The following LRWD1 variants were observed in gnomAD, a reference collection of about 807,000 sequenced individuals.
LRWD1 encodes the protein leucine-rich repeat and WD repeat-containing protein 1.
LRWD1 carries 76 observed loss-of-function variants against 75.6 expected under a neutral mutation model. The observed-to-expected ratio is 1.01, with a 90% confidence interval of 0.84 to 1.22. LRWD1 has a LOEUF of 1.22. Ranked by LOEUF, LRWD1 falls within the 50% of genes most tolerant of loss-of-function variation. LRWD1 has a pLI of 0.00. For synonymous variants in LRWD1, 487 were observed against 377.0 expected, an observed-to-expected ratio of 1.29 and a Z score of -3.38; for missense variants, 917 against 862.0, an observed-to-expected ratio of 1.06 and a Z score of -0.80.
chr7:102,470,189 C>A, intron 11 of LRWD1: 1 of 361,132 alleles, frequency 2.8e-6, no homozygotes, highest in South Asian at 7.9e-5. Context: ...GTGTGATGGT[C>A]CTCTGTGCTG....
In LRWD1 at chr7:102,468,839, T is replaced by A; in HGVS notation, c.1021-16T>A. On this transcript the variant is annotated splice_polypyrimidine_tract_variant and intron_variant, in intron 8 of 14. Transcript: ENST00000292616. ...TAGCTCTGCCCCAGTGACTGTTTAC[T>A]CTAACCCCCGCCCAGGAGTTCTTTT... 1 of 1,607,572 alleles carries A rather than the reference T, an allele frequency of 6.2e-7. No individual in the cohort carries two copies. The highest frequency in any genetic ancestry group is 8.5e-7 in the Non-Finnish European group (1 of 1,178,520).
rs1389980580 is a variant in LRWD1, at chr7:102,465,990, C to T, written c.254C>T (p.Thr85Ile). The T allele has an allele frequency of 1.2e-6, 2 of 1,614,050 alleles. No individual in the cohort carries two copies. The highest frequency in any genetic ancestry group is 1.7e-6 in the Non-Finnish European group (2 of 1,180,036). Reference protein sequence around the residue: ...RCANNQLGDVTALCQFPKLEE... With the variant: ...RCANNQLGDVIALCQFPKLEE... The stretch of plus-strand genomic sequence containing the variant: ...GCCAACAACCAGCTGGGGGATGTTA[C>T]TGCCTTGTGCCAGTTCCCCAAGCTC... Residue 85 changes from threonine (T) to isoleucine (I), a missense_variant, in exon 2 of 15, where the codon ACT becomes ATT. Transcript: ENST00000292616.
At position 102,472,912 on chromosome 7, in the gene LRWD1, C is replaced by G. The variant is rs144678334; in HGVS notation, c.1807C>G (p.Leu603Val). ...PAALQAPTQILKWPQPWALGQ... is the reference protein window; with the variant it reads ...PAALQAPTQIVKWPQPWALGQ... ...CCCTCCCCTCTCTCCCCACCAGATCCTGAAGTGGCCCCAGCCCTGGGCCCT... is the reference window on the plus strand; with the variant it reads ...CCCTCCCCTCTCTCCCCACCAGATCGTGAAGTGGCCCCAGCCCTGGGCCCT... The change falls in exon 15 of 15, where the codon CTG becomes GTG. Residue 603 changes from leucine (L) to valine (V), a missense_variant. Physicochemically the swap from Leu to Val is conservative, Grantham distance 32 (BLOSUM62 1). Coordinates refer to ENST00000292616, the MANE Select transcript of LRWD1 (RefSeq NM_152892.3). The G allele has an allele frequency of 1.9e-6, 3 of 1,613,770 alleles. No individual in the cohort carries two copies. The highest frequency in any genetic ancestry group is 1.7e-4 in the Middle Eastern group (1 of 6,060).
chr7:102,470,116 A>G (rs1475260875), intron 11 of LRWD1: 4 of 519,912 alleles, frequency 7.7e-6, no homozygotes, highest in African/African-American at 3.9e-5. Flanking sequence ...CCTCCCCTTC[A>G]CCTGGGGCTT....
chr7:102,466,660 T>C (rs577501895), intron 3 of LRWD1, among the ~76,000 whole-genome samples: 7 of 151,684 alleles, frequency 4.6e-5, no homozygotes, highest in Middle Eastern at 3.4e-3. Context: ...TTAGGTGATC[T>C]GCCCGCCTTG....
intron 11 of LRWD1, chr7:102,471,960 C>T (rs1387211112): frequency 8.5e-6 from 4 of 470,614 alleles, no homozygotes; most frequent in Non-Finnish European, 1.2e-5. Flanking sequence ...ATCCAACCCC[C>T]TGGCCTAGCC....
chr7:102,465,748 G>T, intron 1 of LRWD1, 69 bp from the exon 2 acceptor site: 1 of 1,147,742 alleles, frequency 8.7e-7, no homozygotes, highest in Non-Finnish European at 1.3e-6. Context: ...GCCTTCTGAG[G>T]TACCCGGGGC....
At position 102,465,982 on chromosome 7, in the gene LRWD1, G is replaced by T; in HGVS notation, c.246G>T (p.Gly82=). Residue 82 remains glycine (G), a synonymous_variant, in exon 2 of 15, where the codon GGG becomes GGT. Coordinates refer to ENST00000292616, the MANE Select transcript of LRWD1 (RefSeq NM_152892.3). The part of the protein sequence containing the change: ...RVLRCANNQL[G]DVTALCQFPK... ...TCCGCTGCGCCAACAACCAGCTGGG[G>T]GATGTTACTGCCTTGTGCCAGTTCC... 6.2e-7 allele frequency: 1 copy of T among 1,613,978 alleles called. No homozygotes were observed.
At chr7:102,467,307 G>T in intron 3 of LRWD1, 32 bp from the exon 4 acceptor site, 1 of 1,569,024 alleles carries the variant, frequency 6.4e-7, no homozygotes, top group South Asian at 1.2e-5. Flanking sequence ...GCTGGGGTGG[G>T]CCGGGCCTGG....
At chr7:102,472,146 C>A in intron 11 of LRWD1, 72 bp from the exon 12 acceptor site, 1 of 1,387,726 alleles carries the variant, frequency 7.2e-7, no homozygotes, top group Non-Finnish European at 1.0e-6. Flanking sequence ...AGGTGCGCTG[C>A]AGATGCCTGG....
At position 102,472,932 on chromosome 7, in the gene LRWD1, G is replaced by T. The variant is rs780413395; in HGVS notation, c.1827G>T (p.Trp609Cys). 1.9e-6 allele frequency: 3 copies of T among 1,613,848 alleles called. No individual in the cohort carries two copies. The highest frequency in any genetic ancestry group is 2.5e-6 in the Non-Finnish European group (3 of 1,179,976). ...PTQILKWPQP[W>C]ALGQVVTKTM... is the part of the protein sequence containing the mutation. ...AGATCCTGAAGTGGCCCCAGCCCTG[G>T]GCCCTTGGCCAGGTGGTGACCAAGA... Residue 609 changes from tryptophan (W) to cysteine (C), a missense_variant, in exon 15 of 15, where the codon TGG (tryptophan) becomes TGT (cysteine). Trp to Cys is a radical substitution (Grantham distance 215). Coordinates refer to ENST00000292616, the MANE Select transcript of LRWD1 (RefSeq NM_152892.3).
rs958988236 is a variant in LRWD1 at position 102,468,441 on chromosome 7, G to T, written c.919+64G>T. ...AATAGGGCCGCCTGGATGGGTGGGGGATCAGGAGACAGAGCTTAAAAGGCG... is the reference window on the plus strand; with the variant it reads ...AATAGGGCCGCCTGGATGGGTGGGGTATCAGGAGACAGAGCTTAAAAGGCG... On this transcript the variant is annotated intron_variant, in intron 7 of 14. Transcript: ENST00000292616. 9 of 1,542,156 alleles carry T rather than the reference G, an allele frequency of 5.8e-6. 1 individual carries two copies. The highest frequency in any genetic ancestry group is 2.4e-5 in the East Asian group (1 of 41,926).
chr7:102,465,523 T>TTTTTTTTTTTTTTTTTTTTTTTG (rs1797940910), intron 1 of LRWD1: 1 of 113,526 alleles, frequency 8.8e-6, no homozygotes, highest in African/African-American at 3.5e-5. Context: ...TTTTTTTTTT[T>TTTTTTTTTTTTTTTTTTTTTTTG]TTGTTAAGTG....
rs755193043 is a variant in LRWD1, at chr7:102,472,936, C to T, written c.1831C>T (p.Leu611Phe). The T allele has an allele frequency of 1.9e-6, 3 of 1,614,056 alleles. No individual in the cohort carries two copies. Among genetic ancestry groups the T allele is most frequent in the East Asian group, 4.5e-5 (2 of 44,884 alleles). The change falls in exon 15 of 15, where the codon CTT (leucine) becomes TTT (phenylalanine). Residue 611 changes from leucine (L) to phenylalanine (F), a missense_variant. By Grantham distance (22) the Leu-to-Phe change is conservative. Coordinates refer to ENST00000292616, the MANE Select transcript of LRWD1 (RefSeq NM_152892.3). ...QILKWPQPWA[L>F]GQVVTKTMVN... ...CCTGAAGTGGCCCCAGCCCTGGGCCCTTGGCCAGGTGGTGACCAAGACCAT... is the reference window on the plus strand; with the variant it reads ...CCTGAAGTGGCCCCAGCCCTGGGCCTTTGGCCAGGTGGTGACCAAGACCAT...
Position 102,469,566 on chromosome 7 carries a change from C to A in LRWD1, c.1229-8C>A. Reference sequence around the variant, plus strand: ...GGCCACTTCTCCCCTACCCCACCCCCTCTTCAGCGGCCTCCTATGACAAGC... The same window carrying A: ...GGCCACTTCTCCCCTACCCCACCCCATCTTCAGCGGCCTCCTATGACAAGC... On this transcript the variant is annotated splice_region_variant and splice_polypyrimidine_tract_variant and intron_variant, in intron 9 of 14. Coordinates refer to ENST00000292616, the MANE Select transcript of LRWD1 (RefSeq NM_152892.3). 1 of 1,614,146 alleles carries A rather than the reference C, an allele frequency of 6.2e-7. No homozygotes were observed. The highest frequency in any genetic ancestry group is 8.5e-7 in the Non-Finnish European group (1 of 1,179,962).
At position 102,469,043 on chromosome 7, in the gene LRWD1, C is replaced by T. The variant is rs1240396432; in HGVS notation, c.1209C>T (p.Ala403=). ...TCGCCACCCTGTGCTTCAGCCCCGC[C>T]CACGAGACCCATCTCTTCAGTAAGC... ...KAIATLCFSP[A]HETHLFTASY... The change falls in exon 9 of 15, where the codon GCC becomes GCT. Residue 403 remains alanine, a synonymous_variant. Coordinates refer to ENST00000292616, the MANE Select transcript of LRWD1 (RefSeq NM_152892.3). 1 of 1,607,866 alleles carries T rather than the reference C, an allele frequency of 6.2e-7. No individual in the cohort carries two copies. Among genetic ancestry groups the T allele is most frequent in the Non-Finnish European group, 8.5e-7 (1 of 1,177,426 alleles).
At position 102,468,897 on chromosome 7, in the gene LRWD1, C is replaced by T; in HGVS notation, c.1063C>T (p.Gln355Ter). ...CTGGACCGCTCTGATGGTGGTCACA[C>T]AGGCTGGCCACAAGAAGCGCTGGAG... ...VAWTALMVVT[Q>*]AGHKKRWSVL... Residue 355 changes from glutamine to a stop codon, truncating the protein, a stop_gained, in exon 9 of 15, where the codon CAG becomes TAG. Transcript: ENST00000292616. LOFTEE classifies it high-confidence loss of function. The T allele has an allele frequency of 6.2e-7, 1 of 1,612,862 alleles. No individual in the cohort carries two copies. Among genetic ancestry groups the T allele is most frequent in the Non-Finnish European group, 8.5e-7 (1 of 1,179,988 alleles).
At chr7:102,468,533 C>G (rs763706731) in intron 7 of LRWD1, 21 bp from the exon 8 acceptor site, 16 of 1,557,160 alleles carry the variant, frequency 1.0e-5, no homozygotes, top group African/African-American at 4.1e-5. Flanking sequence ...CTCATCCGAC[C>G]TCTCAAAACC....
Position 102,472,942 on chromosome 7 carries a change from C to T in LRWD1, c.1837C>T (p.Gln613Ter), listed in dbSNP as rs1311955066. The T allele has an allele frequency of 6.2e-7, 1 of 1,614,102 alleles. No homozygotes were observed. The highest frequency in any genetic ancestry group is 8.5e-7 in the Non-Finnish European group (1 of 1,180,024). The change falls in exon 15 of 15, where the codon CAG becomes TAG. Residue 613 changes from glutamine to a stop codon, truncating the protein, a stop_gained. Transcript: ENST00000292616. LOFTEE classifies it high-confidence loss of function. ...LKWPQPWALG[Q>*]VVTKTMVNTV... ...GTGGCCCCAGCCCTGGGCCCTTGGC[C>T]AGGTGGTGACCAAGACCATGGTGAA...
Sources: allele counts gnomAD v4.1 joint callset (sites outside exome capture counted in the v4.1 genomes callset), GRCh38; gene constraint gnomAD v4.1.1; transcripts MANE v1.5; gene names NCBI Gene and HGNC (gene_info 2026-07-23, HGNC 2026-07-21).